The following EPHX3 variants were observed in gnomAD, a reference collection of about 807,000 sequenced individuals.
EPHX3 encodes the protein abhydrolase domain containing 9.
Under a neutral mutation model 40.2 loss-of-function variants are expected in EPHX3, and 39 were observed. That is an observed-to-expected ratio of 0.97 (90% CI 0.75 to 1.27). The LOEUF is 1.27. Ranked by LOEUF, EPHX3 falls within the 50% of genes most tolerant of loss-of-function variation. The probability of loss-of-function intolerance (pLI) is 0.00; values close to 1 mark genes in which losing one functional copy is unlikely to be tolerated. For synonymous variants in EPHX3, 213 were observed against 209.7 expected, an observed-to-expected ratio of 1.02 and a Z score of -0.14; for missense variants, 442 against 474.0, an observed-to-expected ratio of 0.93 and a Z score of 0.63.
At chr19:15,230,897 A>G in intron 4 of EPHX3, 65 bp downstream of exon 4, 1 of 1,586,998 alleles carries the variant, frequency 6.3e-7, no homozygotes, top group African/African-American at 1.3e-5. Flanking sequence ...AATTGAAAAC[A>G]CAGACACATG....
At chr19:15,230,559 C>T (rs2047146282) in intron 4 of EPHX3, among the ~76,000 whole-genome samples, 1 of 152,118 alleles carries the variant, frequency 6.6e-6, no homozygotes, top group South Asian at 2.1e-4. Flanking sequence ...CAGCTCACTG[C>T]AACCTCCACC....
intron 4 of EPHX3, among the ~76,000 whole-genome samples, 155 bp downstream of exon 4, chr19:15,230,807 G>A (rs114204103): frequency 9.2e-4 from 140 of 152,128 alleles, no homozygotes; most frequent in South Asian, 6.3e-3. Flanking sequence ...ATTAATTTCC[G>A]AATGAGGAGT....
upstream of EPHX3, chr19:15,233,397 C>A (rs1019871141): frequency 6.6e-6 from 1 of 152,334 alleles, no homozygotes; most frequent in Admixed American, 6.5e-5. Flanking sequence ...AAAGACCTAG[C>A]AGCACTGACT....
upstream of EPHX3, chr19:15,236,732 C>A (rs1439000525): frequency 1.2e-5 from 2 of 173,272 alleles, no homozygotes; most frequent in African/African-American, 4.8e-5. Flanking sequence ...GCTAGGTAAT[C>A]CCTGGCAGTA....
upstream of EPHX3, among the ~76,000 whole-genome samples, chr19:15,234,992 G>C (rs1404395240): frequency 6.6e-6 from 1 of 151,958 alleles, no homozygotes; most frequent in Non-Finnish European, 1.5e-5. Context: ...TCAAAGCTTT[G>C]GGGGTTTTTT....
At chr19:15,227,716 C>G in intron 6 of EPHX3, 54 bp from the exon 7 acceptor site, 1 of 1,608,236 alleles carries the variant, frequency 6.2e-7, no homozygotes, top group Non-Finnish European at 8.5e-7. Flanking sequence ...ATGGTTGCCT[C>G]CCACCCCCCT....
At chr19:15,235,297 G>A (rs1030800253), upstream of EPHX3, among the ~76,000 whole-genome samples, 1 of 151,934 alleles carries the variant, frequency 6.6e-6, no homozygotes, top group African/African-American at 2.4e-5. Context: ...GTGAGCCACC[G>A]TGCCTGGCAG....
intron 4 of EPHX3, among the ~76,000 whole-genome samples, chr19:15,229,907 A>AAAAAAAAAAAAAAAAG (rs1203339827): frequency 1.4e-5 from 2 of 140,172 alleles, no homozygotes; most frequent in East Asian, 2.0e-4. Flanking sequence ...AAAAAAAAAA[A>AAAAAAAAAAAAAAAAG]AAAAGAAAAG....
chr19:15,227,622 A>G lies in EPHX3; in HGVS notation c.898T>C (p.Leu300=). 2.5e-6 allele frequency: 4 copies of G among 1,614,098 alleles called. No homozygotes were observed. The highest frequency in any genetic ancestry group is 1.3e-5 in the African/African-American group (1 of 75,036). The change falls in exon 7 of 7, where the codon TTG becomes CTG. Residue 300 remains leucine, a synonymous_variant. Transcript: ENST00000221730. The part of the protein sequence containing the change: ...LEPQELTTPT[L]LLWGEKDTYL... ...GTGTCCTTCTCCCCCCACAGCAGCA[A>G]TGTGGGTGTGGTCAGCTCCTGGGGT...
chr19:15,232,519 T>G, upstream of EPHX3: 1 of 1,013,194 alleles, frequency 9.9e-7, no homozygotes, highest in Non-Finnish European at 1.3e-6. Context: ...GCAGGTCCTG[T>G]GCGGGGCTTA....
At chr19:15,236,865 A>G (rs1568374671), upstream of EPHX3, 1 of 193,976 alleles carries the variant, frequency 5.2e-6, no homozygotes, top group Non-Finnish European at 1.1e-5. Context: ...TGTTTATTCC[A>G]TGATCAGTAC....
At chr19:15,230,737 C>T (rs1162206988) in intron 4 of EPHX3, among the ~76,000 whole-genome samples, 1 of 151,012 alleles carries the variant, frequency 6.6e-6, no homozygotes, top group Non-Finnish European at 1.5e-5. Context: ...AAGTGATCCT[C>T]CCACCTCAGC....
rs767694883 is a variant in EPHX3, at chr19:15,232,004, G to A, written c.208C>T (p.Pro70Ser). Residue 70 changes from proline (P) to serine (S), a missense_variant, in exon 1 of 7, where the codon CCC (proline) becomes TCC (serine). Pro to Ser is a moderately conservative substitution (Grantham distance 74, BLOSUM62 -1). Transcript: ENST00000221730. ...RSASPACLSD[P>S]SLGEHGFLNL... ...AGGAAACCGTGCTCACCCAGCGAGG[G>A]GTCGCTCAGGCAGGCGGGGGACGCG... The A allele has an allele frequency of 3.2e-5, 51 of 1,606,732 alleles. No individual in the cohort carries two copies. Among genetic ancestry groups the A allele is most frequent in the Non-Finnish European group, 4.2e-5 (49 of 1,179,230 alleles).
At chr19:15,231,148 T>C in intron 3 of EPHX3, 58 bp from the exon 4 acceptor site, 4 of 1,612,478 alleles carry the variant, frequency 2.5e-6, no homozygotes, top group Non-Finnish European at 3.4e-6. Context: ...GAAGCAGGGA[T>C]GGGGGAAGTA....
At chr19:15,229,885 CAAAA>C (rs546876108) in intron 4 of EPHX3, among the ~76,000 whole-genome samples, 75 of 9,356 alleles carry the variant, frequency 8.0e-3, no homozygotes, top group African/African-American at 0.021. Flanking sequence ...GACTCTGTCT[CAAAA>C]AAAAAAAAAA....
chr19:15,228,611 C>T (rs1483814848), intron 4 of EPHX3, among the ~76,000 whole-genome samples: 2 of 143,178 alleles, frequency 1.4e-5, no homozygotes, highest in Non-Finnish European at 3.0e-5. Flanking sequence ...CTCCGCCTCC[C>T]GGGTTCACGC....
At position 15,231,935 on chromosome 19, in the gene EPHX3, C is replaced by G. The variant is rs767780807; in HGVS notation, c.243+34G>C. On this transcript the variant is annotated intron_variant, in intron 1 of 6. Coordinates refer to ENST00000221730, the MANE Select transcript of EPHX3 (RefSeq NM_024794.3). ...CTTGAACCGTCTCGACCCCACGCGA[C>G]CCCGCAGCCCCGATAGCGCCCCCGT... The G allele has an allele frequency of 9.3e-6, 15 of 1,612,480 alleles. No individual in the cohort carries two copies. The South Asian group carries it at 1.2e-4, about 13-fold the overall frequency.
In EPHX3 at chr19:15,231,381, G is replaced by A. The variant is rs1325334917; in HGVS notation, c.345C>T (p.Tyr115=). 1 of 1,613,750 alleles carries A rather than the reference G, an allele frequency of 6.2e-7. No homozygotes were observed. The highest frequency in any genetic ancestry group is 8.5e-7 in the Non-Finnish European group (1 of 1,179,984). ...GFPENWFSWR[Y]QLREFQSRFH... ...AGCGGCTCTGGAACTCCCGGAGCTG[G>A]TAACGCCAGGAGAACCTGCCAGGCG... Residue 115 remains tyrosine (Y), a synonymous_variant, in exon 3 of 7, where the codon TAC becomes TAT. Transcript: ENST00000221730.
At position 15,232,369 on chromosome 19, in the gene EPHX3, C is replaced by G; in HGVS notation, c.-158G>C. On this transcript the variant is annotated 5_prime_UTR_variant, in exon 1 of 7. Transcript: ENST00000221730. ...CGCTGAAGGAAGAGGCGGGCGGCTC[C>G]GACAGAAAACAGCCAGAGCGCACCA... 4 of 1,371,926 alleles carry G rather than the reference C, an allele frequency of 2.9e-6. No homozygotes were observed. Among genetic ancestry groups the G allele is most frequent in the Non-Finnish European group, 3.7e-6 (4 of 1,072,234 alleles). 85.0% of individuals were successfully genotyped at this position (1,371,926 alleles called of 1,614,324 possible).
Sources: gnomAD v4.1 joint callset for allele counts (sites outside exome capture counted in the v4.1 genomes callset) on GRCh38, gnomAD v4.1.1 for gene constraint, MANE v1.5 for transcripts, NCBI Gene and HGNC (gene_info 2026-07-23, HGNC 2026-07-21) for gene names.